Variants in LRMDA observed in about 807,000 individuals in gnomAD.
LRMDA encodes the protein leucine rich melanocyte differentiation associated, also known as leucine-rich melanocyte differentiation-associated protein.
LRMDA carries 18 observed loss-of-function variants against 29.8 expected under a neutral mutation model. The observed-to-expected ratio is 0.60, with a 90% CI of 0.42 to 0.90. The LOEUF (loss-of-function observed/expected upper bound fraction) is 0.90, where lower values mean the gene tolerates loss of function less well. LRMDA is among the 40% of genes least tolerant of loss of function. The pLI is 0.00. For synonymous variants in LRMDA, 125 were observed against 109.4 expected (o/e 1.14, Z -0.89); for missense variants, 273 against 273.9 (o/e 1.00, Z 0.02).
At chr10:76,077,362 G>T (rs544602206) in intron 5 of LRMDA, among the ~76,000 whole-genome samples, 9 of 152,290 alleles carry the variant, frequency 5.9e-5, no homozygotes, top group South Asian at 2.1e-4. Flanking sequence ...GAGACAGCTG[G>T]AGATCTTCAA....
In LRMDA at chr10:75,991,723, T is replaced by TTTTG. The variant is rs1003858743; in HGVS notation, c.132-44269_132-44266dup. ...GTTGTGTCTCACATCCTCTCATAGTTTTTGTTTGTTTGTTTGTTTTAAGAA... is the reference window on the plus strand; with the variant it reads ...GTTGTGTCTCACATCCTCTCATAGTTTTTGTTTGTTTGTTTGTTTGTTTTAAGAA... On this transcript the variant is annotated intron_variant, in intron 2 of 6. Coordinates refer to ENST00000611255, the MANE Select transcript of LRMDA (RefSeq NM_001305581.2). Among the ~76,000 whole-genome samples the TTTTG allele has an allele frequency of 6.6e-5, 10 of 152,292 alleles. 1 individual carries two copies. The South Asian group carries it at 1.2e-3, about 19-fold the overall frequency.
At chr10:76,419,984 G>GAACAT (rs1340453102) in intron 6 of LRMDA, among the ~76,000 whole-genome samples, 2 of 151,996 alleles carry the variant, frequency 1.3e-5, no homozygotes, top group Non-Finnish European at 2.9e-5. Context: ...TATGGATTTT[G>GAACAT]AATCTGTGTT....
At chr10:75,450,931 A>T (rs1017485950) in intron 2 of LRMDA, 2 of 152,254 alleles carry the variant, frequency 1.3e-5, no homozygotes, top group African/African-American at 4.8e-5. Flanking sequence ...CTTTGACAAG[A>T]CATGAAAAAT....
chr10:76,352,108 G>C (rs928689394), intron 6 of LRMDA, among the ~76,000 whole-genome samples: 8 of 152,112 alleles, frequency 5.3e-5, no homozygotes, highest in Non-Finnish European at 8.8e-5. Flanking sequence ...TATGTAAGTT[G>C]CTATGAATAG....
rs566322932 is a variant in LRMDA, at chr10:76,218,784, T to G, written c.517-105617T>G. 1.7e-4 allele frequency among the ~76,000 whole-genome samples: 26 copies of G among 149,454 alleles called. No individual in the cohort carries two copies. The East Asian group carries it at 5.2e-3, about 30-fold the overall frequency. ...AGGTGAGAATAGCTGTGAGTCTCAC[T>G]GCAAAAAACAGCAAGAGAATTACTC... is the stretch of plus-strand genomic sequence containing the variant. On this transcript the variant is annotated intron_variant, in intron 5 of 6. Coordinates refer to ENST00000611255, the MANE Select transcript of LRMDA (RefSeq NM_001305581.2).
At chr10:75,612,455 A>C in intron 2 of LRMDA, among the ~76,000 whole-genome samples, 1 of 152,146 alleles carries the variant, frequency 6.6e-6, no homozygotes, top group Non-Finnish European at 1.5e-5. Flanking sequence ...GATCTTTTAT[A>C]AGACATTAAA....
At chr10:75,637,912 A>C (rs939725492) in intron 2 of LRMDA, among the ~76,000 whole-genome samples, 1 of 152,184 alleles carries the variant, frequency 6.6e-6, no homozygotes, top group Admixed American at 6.5e-5. Context: ...AGAGCACCTG[A>C]ATCCTCTCTC....
intron 2 of LRMDA, among the ~76,000 whole-genome samples, chr10:75,558,088 A>G (rs1462644032): frequency 6.6e-6 from 1 of 152,100 alleles, no homozygotes; most frequent in Non-Finnish European, 1.5e-5. Context: ...ACCCTCCTCC[A>G]GAGAAAGGAT....
chr10:76,533,134 G>GGAGAGC (rs200548501), intron 6 of LRMDA, among the ~76,000 whole-genome samples: 2,241 of 141,066 alleles, frequency 0.016, 19 homozygotes, highest in Middle Eastern at 0.042. Context: ...ACTTGTAGAT[G>GGAGAGC]GAGAGCGAGA....
chr10:75,837,780 C>G (rs1844466687), intron 2 of LRMDA, among the ~76,000 whole-genome samples: 1 of 152,002 alleles, frequency 6.6e-6, no homozygotes, highest in African/African-American at 2.4e-5. Flanking sequence ...AATTCCAAGG[C>G]TCCTTGGTGT....
At chr10:75,627,134 T>C (rs1841260431) in intron 2 of LRMDA, among the ~76,000 whole-genome samples, 1 of 152,248 alleles carries the variant, frequency 6.6e-6, no homozygotes, top group African/African-American at 2.4e-5. Flanking sequence ...ACAAGCTCTC[T>C]CATCTAAAGT....
At chr10:76,484,793 T>C (rs961632741) in intron 6 of LRMDA, among the ~76,000 whole-genome samples, 1 of 151,908 alleles carries the variant, frequency 6.6e-6, no homozygotes, top group Non-Finnish European at 1.5e-5. Context: ...GCAGTCCTAG[T>C]ACTTTTTTGC....
chr10:75,907,832 G>T (rs570913514), intron 2 of LRMDA, among the ~76,000 whole-genome samples: 1 of 152,246 alleles, frequency 6.6e-6, no homozygotes, highest in Admixed American at 6.5e-5. Context: ...CCCACTGTAG[G>T]CTTCCCAGGG....
At chr10:75,600,455 G>A (rs1840868518) in intron 2 of LRMDA, among the ~76,000 whole-genome samples, 2 of 152,108 alleles carry the variant, frequency 1.3e-5, no homozygotes, top group South Asian at 4.2e-4. Flanking sequence ...TCCTCCTCTT[G>A]CCACTGATCC....
chr10:76,380,529 C>T (rs1048131490), intron 6 of LRMDA, among the ~76,000 whole-genome samples: 3 of 151,758 alleles, frequency 2.0e-5, no homozygotes, highest in South Asian at 2.1e-4. Context: ...ATTAGTCGGG[C>T]GTGGTGGCGG....
At chr10:75,919,825 G>A (rs1845998184) in intron 2 of LRMDA, among the ~76,000 whole-genome samples, 1 of 152,166 alleles carries the variant, frequency 6.6e-6, no homozygotes, top group Non-Finnish European at 1.5e-5. Context: ...CAGCCCTGTG[G>A]CTTTTGAGAA....
intron 5 of LRMDA, among the ~76,000 whole-genome samples, chr10:76,059,055 T>A (rs1848663086): frequency 6.6e-6 from 1 of 152,030 alleles, no homozygotes; most frequent in Non-Finnish European, 1.5e-5. Flanking sequence ...ATTCACTAAG[T>A]GGGGCCTCTG....
At chr10:75,712,245 C>T (rs1422930109) in intron 2 of LRMDA, among the ~76,000 whole-genome samples, 3 of 152,202 alleles carry the variant, frequency 2.0e-5, no homozygotes, top group Admixed American at 1.3e-4. Flanking sequence ...TCCCCGCCCC[C>T]CTTGTTTCTC....
chr10:75,920,683 T>G (rs1846011703), intron 2 of LRMDA, among the ~76,000 whole-genome samples: 1 of 152,212 alleles, frequency 6.6e-6, no homozygotes, highest in African/African-American at 2.4e-5. Flanking sequence ...TCTCTGGCTC[T>G]CAGATTTTCT....
Sources: allele counts gnomAD v4.1 joint callset (sites outside exome capture counted in the v4.1 genomes callset), GRCh38; gene constraint gnomAD v4.1.1; transcripts MANE v1.5; gene names NCBI Gene and HGNC (gene_info 2026-07-23, HGNC 2026-07-21).